Variants in TENM3 observed in about 807,000 individuals in gnomAD.
TENM3 encodes the protein teneurin transmembrane protein 3.
TENM3 carries 63 observed loss-of-function variants against 255.1 expected under a neutral mutation model. That is an observed-to-expected ratio of 0.25 (90% CI 0.20 to 0.30). The LOEUF (loss-of-function observed/expected upper bound fraction) is 0.30. TENM3 is among the 10% of genes least tolerant of loss of function. The pLI, the probability that TENM3 is intolerant of heterozygous loss-of-function variation, is 1.00. For missense variants in TENM3, 2,929 were observed against 3,461.1 expected, an observed-to-expected ratio of 0.85 and a Z score of 3.86; for synonymous variants, 1,306 against 1,322.3, an observed-to-expected ratio of 0.99 and a Z score of 0.27.
chr4:181,862,695 A>C, the TENM3 span, among the ~76,000 whole-genome samples: 1 of 152,120 alleles, frequency 6.6e-6, no homozygotes, highest in South Asian at 2.1e-4. Context: ...GTTTTTCTAA[A>C]TTGCTACTTC....
chr4:181,487,424 C>T, the TENM3 span, among the ~76,000 whole-genome samples: 1 of 152,142 alleles, frequency 6.6e-6, no homozygotes. Context: ...GAGGCAGGGA[C>T]GTCAAGATCA....
the TENM3 span, among the ~76,000 whole-genome samples, chr4:181,806,782 C>T: frequency 3.9e-4 from 60 of 152,366 alleles, no homozygotes; most frequent in Non-Finnish European, 6.3e-4. Flanking sequence ...CAGCACAAAA[C>T]AGACTAAGAT....
rs942417081 is a variant in TENM3, at chr4:182,789,693, G to A, written c.5601+304G>A. Among the ~76,000 whole-genome samples the A allele has an allele frequency of 2.0e-5, 3 of 152,224 alleles. No individual in the cohort carries two copies. The highest frequency in any genetic ancestry group is 6.5e-5 in the Admixed American group (1 of 15,286). ...TGACAACATTCACAAATTAGACCTT[G>A]AGCGTGTAAGTCGCTTGTAAATAAT... On this transcript the variant is annotated intron_variant, in intron 25 of 27. Transcript: ENST00000511685. This position sits in a 1 kb window ranked among gnomAD's most constrained non-coding sequence, Gnocchi z 4.4.
chr4:182,451,837 GTTCT>G (rs1773487675), intron 3 of TENM3, among the ~76,000 whole-genome samples: 2 of 152,232 alleles, frequency 1.3e-5, no homozygotes, highest in Middle Eastern at 6.8e-3. Context: ...TGGAACATCA[GTTCT>G]TTATGTTTAT....
chr4:182,295,007 G>A (rs1298227754), intron 1 of TENM3, among the ~76,000 whole-genome samples: 1 of 151,834 alleles, frequency 6.6e-6, no homozygotes, highest in Non-Finnish European at 1.5e-5. Context: ...GAGTGGGTGG[G>A]GGCAGGGGCT....
chr4:181,970,104 C>T, the TENM3 span, among the ~76,000 whole-genome samples: 1 of 152,180 alleles, frequency 6.6e-6, no homozygotes, highest in Non-Finnish European at 1.5e-5. Flanking sequence ...AAAACAACTT[C>T]ATCTCAAATA....
chr4:181,788,489 C>T, the TENM3 span, among the ~76,000 whole-genome samples: 1 of 152,100 alleles, frequency 6.6e-6, no homozygotes. Flanking sequence ...GAAATTTGCC[C>T]GAGGAAACAC....
intron 5 of TENM3, among the ~76,000 whole-genome samples, chr4:182,630,588 C>T (rs762118796): frequency 6.6e-5 from 10 of 152,216 alleles, no homozygotes; most frequent in Non-Finnish European, 1.0e-4. Context: ...GTAAAAACAG[C>T]TAATGCATGC....
intron 6 of TENM3, among the ~76,000 whole-genome samples, chr4:182,660,543 T>C (rs1164711419): frequency 6.6e-6 from 1 of 152,228 alleles, no homozygotes; most frequent in Non-Finnish European, 1.5e-5. Flanking sequence ...GATTGTTTGC[T>C]CTTCATTCTG....
chr4:181,928,787 C>T, the TENM3 span, among the ~76,000 whole-genome samples: 4 of 152,104 alleles, frequency 2.6e-5, no homozygotes, highest in East Asian at 3.9e-4. Flanking sequence ...CGAGTAAGAT[C>T]GGGTTACCCA....
intron 3 of TENM3, among the ~76,000 whole-genome samples, chr4:182,362,642 T>C (rs1245765874): frequency 1.3e-5 from 2 of 152,122 alleles, no homozygotes; most frequent in Non-Finnish European, 2.9e-5. Flanking sequence ...TTTCTTTGCC[T>C]AGGAAAGGGA....
At chr4:181,501,757 A>G in the TENM3 span, among the ~76,000 whole-genome samples, 1 of 152,206 alleles carries the variant, frequency 6.6e-6, no homozygotes, top group Non-Finnish European at 1.5e-5. Context: ...AAAGGTGAAA[A>G]CAGGGCAATT....
chr4:182,167,814 G>C (rs1021222481), intron 1 of TENM3, among the ~76,000 whole-genome samples: 13 of 152,156 alleles, frequency 8.5e-5, no homozygotes, highest in African/African-American at 2.9e-4. Flanking sequence ...GAGCCCAGGA[G>C]GTGGAGGTGC....
the TENM3 span, among the ~76,000 whole-genome samples, chr4:181,626,299 G>A: frequency 6.6e-6 from 1 of 152,198 alleles, no homozygotes; most frequent in South Asian, 2.1e-4. Context: ...TGCCAGATGG[G>A]AGGGACAGGA....
At chr4:182,095,144 C>T in the TENM3 span, among the ~76,000 whole-genome samples, 1 of 152,032 alleles carries the variant, frequency 6.6e-6, no homozygotes, top group African/African-American at 2.4e-5. Flanking sequence ...AAAAATAGAA[C>T]CACCATATGA....
At chr4:182,206,979 C>G (rs895076350) in intron 1 of TENM3, among the ~76,000 whole-genome samples, 5 of 152,162 alleles carry the variant, frequency 3.3e-5, no homozygotes, top group African/African-American at 4.8e-5. Context: ...GCATGAGATG[C>G]TCGGAAATTT....
the TENM3 span, among the ~76,000 whole-genome samples, chr4:181,720,404 G>C: frequency 2.0e-5 from 3 of 152,100 alleles, no homozygotes; most frequent in East Asian, 5.8e-4. Context: ...ATTTTGATGT[G>C]TAAGAGTATT....
chr4:181,854,638 T>G, the TENM3 span, among the ~76,000 whole-genome samples: 1 of 152,254 alleles, frequency 6.6e-6, no homozygotes, highest in Non-Finnish European at 1.5e-5. Flanking sequence ...CATGCCTTTG[T>G]CTGAGACTTG....
At position 182,665,686 on chromosome 4, in the gene TENM3, G is replaced by A. The variant is rs544076558; in HGVS notation, c.1112-7319G>A. 1.1e-3 allele frequency among the ~76,000 whole-genome samples: 169 copies of A among 152,170 alleles called. 1 individual carries two copies. Among genetic ancestry groups the A allele is most frequent in the African/African-American group, 3.7e-3 (153 of 41,496 alleles). ...TGAGGCGGGCGGATCACGAGGTCAG[G>A]AGATCGAGACCATCCTGGTTAACAG... On this transcript the variant is annotated intron_variant, in intron 6 of 27. Coordinates refer to ENST00000511685, the MANE Select transcript of TENM3 (RefSeq NM_001080477.4).
Sources: gnomAD v4.1 joint callset for allele counts (sites outside exome capture counted in the v4.1 genomes callset) on GRCh38, gnomAD v4.1.1 for gene constraint, Gnocchi (gnomAD v3.1) non-coding constraint, MANE v1.5 for transcripts, NCBI Gene and HGNC (gene_info 2026-07-23, HGNC 2026-07-21) for gene names.